GRID1: variants seen among roughly 807,000 people sequenced by gnomAD.
GRID1 encodes glutamate receptor ionotropic, delta-1.
Under a neutral mutation model 98.0 loss-of-function variants are expected in GRID1, and 28 were observed. That is an observed-to-expected ratio of 0.29 (90% CI 0.21 to 0.39). The LOEUF (loss-of-function observed/expected upper bound fraction) is 0.39. Among genes scored for constraint, GRID1 ranks in the 10% least tolerant of loss-of-function variants. The pLI, the probability that GRID1 is intolerant of heterozygous loss-of-function variation, is 1.00. For synonymous variants in GRID1, 553 were observed against 538.5 expected, an observed-to-expected ratio of 1.03 and a Z score of -0.37; for missense variants, 1,111 against 1,340.5, an observed-to-expected ratio of 0.83 and a Z score of 2.67.
intron 4 of GRID1, among the ~76,000 whole-genome samples, chr10:86,032,496 C>A (rs1165865233): frequency 1.3e-5 from 2 of 152,190 alleles, no homozygotes; most frequent in Non-Finnish European, 1.5e-5. Context: ...ATTCTTCTGC[C>A]TTGGGATGCT....
At chr10:85,981,895 G>A (rs1330276453) in intron 4 of GRID1, among the ~76,000 whole-genome samples, 1 of 152,184 alleles carries the variant, frequency 6.6e-6, no homozygotes, top group African/African-American at 2.4e-5. Flanking sequence ...CAGGGAGAAG[G>A]AGGAGTGTGC....
chr10:85,817,545 A>G (rs1438642425), intron 8 of GRID1, among the ~76,000 whole-genome samples: 1 of 152,092 alleles, frequency 6.6e-6, no homozygotes, highest in Admixed American at 6.5e-5. Context: ...AACATTAAAA[A>G]AAATTATAGC....
chr10:86,225,474 T>G (rs910941769), intron 2 of GRID1, among the ~76,000 whole-genome samples: 1 of 152,116 alleles, frequency 6.6e-6, no homozygotes, highest in Admixed American at 6.5e-5. Context: ...TCACGGCAAT[T>G]TGCACTCTTC....
In GRID1 at chr10:85,916,934, A is replaced by G. The variant is rs1323906238; in HGVS notation, c.727-695T>C. On this transcript the variant is annotated intron_variant, in intron 4 of 15. Coordinates refer to ENST00000327946, the MANE Select transcript of GRID1 (RefSeq NM_017551.3). This position sits in a 1 kb window ranked among gnomAD's most constrained non-coding sequence, Gnocchi z 4.0. The stretch of plus-strand genomic sequence containing the variant: ...CTCCTCTGCCATTATGTCAAAGGCC[A>G]TATCTCCTAGGTCACAGCTGTGTCC... 6.6e-6 allele frequency among the ~76,000 whole-genome samples: 1 copy of G among 152,208 alleles called. No homozygotes were observed. Among genetic ancestry groups the G allele is most frequent in the Non-Finnish European group, 1.5e-5 (1 of 68,038 alleles).
intron 12 of GRID1, among the ~76,000 whole-genome samples, chr10:85,687,850 G>A (rs1841287283): frequency 6.6e-6 from 1 of 152,166 alleles, no homozygotes; most frequent in African/African-American, 2.4e-5. Context: ...GGAACTGAAT[G>A]TGTGTTTTGG....
At chr10:86,204,635 G>A (rs183590788) in intron 3 of GRID1, among the ~76,000 whole-genome samples, 5 of 152,226 alleles carry the variant, frequency 3.3e-5, no homozygotes, top group South Asian at 2.1e-4. Context: ...GAGCCCAGGC[G>A]GGTGGGCAGG....
chr10:86,091,547 C>T (rs1844148709), intron 4 of GRID1, among the ~76,000 whole-genome samples: 1 of 151,734 alleles, frequency 6.6e-6, no homozygotes, highest in African/African-American at 2.4e-5. Context: ...TCCTTCCCTA[C>T]CTACCCTGGT....
chr10:86,141,143 G>C (rs1845005222), intron 3 of GRID1, among the ~76,000 whole-genome samples: 1 of 152,064 alleles, frequency 6.6e-6, no homozygotes, highest in Non-Finnish European at 1.5e-5. Context: ...CCAGCACAGG[G>C]CTCCCCCAAA....
At chr10:86,121,479 TACCATC>T (rs1844669414) in intron 4 of GRID1, among the ~76,000 whole-genome samples, 1 of 8,222 alleles carries the variant, frequency 1.2e-4, no homozygotes, top group East Asian at 3.6e-3. Context: ...TCATCATCAC[TACCATC>T]ATCACCATCA....
chr10:86,260,139 T>C (rs1846992900), intron 2 of GRID1, among the ~76,000 whole-genome samples: 1 of 152,232 alleles, frequency 6.6e-6, no homozygotes, highest in African/African-American at 2.4e-5. Flanking sequence ...TCCTGCACCT[T>C]GTTCTCTGTT....
At chr10:85,706,566 C>T (rs756584539) in intron 12 of GRID1, among the ~76,000 whole-genome samples, 4,955 of 152,148 alleles carry the variant, frequency 0.033, 125 homozygotes, top group Middle Eastern at 0.048. Context: ...AATGCCATCC[C>T]CATCAAGCTA....
chr10:85,865,930 T>TACACATATATAC (rs1490134132), intron 6 of GRID1, among the ~76,000 whole-genome samples: 3 of 114,496 alleles, frequency 2.6e-5, no homozygotes, highest in African/African-American at 1.0e-4. Context: ...TATATATATA[T>TACACATATATAC]ATATATATAT....
rs535570374 is a variant in GRID1, at chr10:85,812,077, G to T, written c.1233+42419C>A. ...GAAAGTGCTGAAAGAAAAACATACT[G>T]CCAGTCAAGAACTAGGCAAAACTGT... On this transcript the variant is annotated intron_variant, in intron 8 of 15. Transcript: ENST00000327946. Among the ~76,000 whole-genome samples, 64 of 152,266 alleles carry T rather than the reference G, an allele frequency of 4.2e-4. 1 individual carries two copies. The highest frequency in any genetic ancestry group is 3.9e-3 in the South Asian group (19 of 4,828).
chr10:85,776,399 G>A (rs1372455622), intron 8 of GRID1, among the ~76,000 whole-genome samples: 1 of 152,134 alleles, frequency 6.6e-6, no homozygotes, highest in African/African-American at 2.4e-5. Flanking sequence ...AAATATAAAA[G>A]GTTACTAAAT....
chr10:86,001,490 G>A (rs1246985673), intron 4 of GRID1, among the ~76,000 whole-genome samples: 1 of 152,186 alleles, frequency 6.6e-6, no homozygotes, highest in Non-Finnish European at 1.5e-5. Flanking sequence ...TGAGCCTGGA[G>A]CACTGTTTAG....
rs145861712 is a variant in GRID1, at chr10:85,689,299, T to C, written c.1997+33704A>G. Among the ~76,000 whole-genome samples, 70 of 152,138 alleles carry C rather than the reference T, an allele frequency of 4.6e-4. 1 individual carries two copies. The highest frequency in any genetic ancestry group is 1.5e-3 in the African/African-American group (63 of 41,506). On this transcript the variant is annotated intron_variant, in intron 12 of 15. Transcript: ENST00000327946. ...AAAAGTCAACAAGATAAGATGTAAA[T>C]GGGAATGGTTAATAGAATGAATTGC...
At chr10:86,058,036 A>G (rs1410164783) in intron 4 of GRID1, among the ~76,000 whole-genome samples, 1 of 152,176 alleles carries the variant, frequency 6.6e-6, no homozygotes, top group Non-Finnish European at 1.5e-5. Context: ...AGATCTTGGG[A>G]TCAAAATTTG....
intron 3 of GRID1, among the ~76,000 whole-genome samples, chr10:86,155,988 A>G (rs1213525042): frequency 6.6e-6 from 1 of 152,218 alleles, no homozygotes; most frequent in Admixed American, 6.5e-5. Flanking sequence ...GGCAAGTTCC[A>G]GTCCGCAATC....
chr10:85,632,703 C>T (rs950015869), intron 13 of GRID1, among the ~76,000 whole-genome samples: 4 of 152,142 alleles, frequency 2.6e-5, no homozygotes, highest in South Asian at 2.1e-4. Context: ...GCCACCACAC[C>T]GGGCTAATTT....
Sources: allele counts gnomAD v4.1 joint callset (sites outside exome capture counted in the v4.1 genomes callset), GRCh38; gene constraint gnomAD v4.1.1; non-coding constraint Gnocchi (gnomAD v3.1); transcripts MANE v1.5; gene names NCBI Gene and HGNC (gene_info 2026-07-23, HGNC 2026-07-21).